Variants in NOL4 observed in about 807,000 individuals in gnomAD.
The protein encoded by NOL4 is nucleolar protein 4.
A neutral mutation model predicts 75.9 loss-of-function variants in NOL4; 17 were observed. The observed-to-expected ratio is 0.22, with a 90% CI of 0.15 to 0.34. NOL4 has a LOEUF of 0.34. NOL4 is among the 10% of genes least tolerant of loss of function. NOL4 has a pLI of 1.00. For synonymous variants in NOL4, 292 were observed against 289.9 expected, an observed-to-expected ratio of 1.01 and a Z score of -0.07; for missense variants, 614 against 793.5, an observed-to-expected ratio of 0.77 and a Z score of 2.72.
chr18:34,119,588 G>A (rs1401437379), intron 2 of NOL4, among the ~76,000 whole-genome samples: 1 of 151,996 alleles, frequency 6.6e-6, no homozygotes, highest in Non-Finnish European at 1.5e-5. Flanking sequence ...TGAGATGGGT[G>A]ATCTAGCCCA....
intron 10 of NOL4, among the ~76,000 whole-genome samples, chr18:33,862,624 A>T (rs1244298260): frequency 4.6e-5 from 7 of 152,234 alleles, no homozygotes; most frequent in Non-Finnish European, 4.4e-5. Flanking sequence ...ACGAACAGAA[A>T]CTTCTCAAAA....
At chr18:34,027,344 G>A (rs2075398424) in intron 5 of NOL4, among the ~76,000 whole-genome samples, 1 of 152,108 alleles carries the variant, frequency 6.6e-6, no homozygotes, top group South Asian at 2.1e-4. Context: ...AAATATCCTG[G>A]GAATTATCAA....
intron 7 of NOL4, 125 bp downstream of exon 7, chr18:33,958,114 T>TACTTTTTA: frequency 1.1e-6 from 1 of 937,870 alleles, no homozygotes; most frequent in Non-Finnish European, 1.6e-6. Flanking sequence ...GTGTTTCATG[T>TACTTTTTA]ACTTTTTAAA....
chr18:33,994,948 G>A (rs1003352144), intron 6 of NOL4, among the ~76,000 whole-genome samples: 3 of 151,418 alleles, frequency 2.0e-5, no homozygotes, highest in African/African-American at 7.3e-5. Context: ...AAGTGAAACA[G>A]GGAACTAACA....
chr18:33,906,581 C>G (rs1015809397), intron 9 of NOL4, among the ~76,000 whole-genome samples: 1 of 152,188 alleles, frequency 6.6e-6, no homozygotes, highest in Non-Finnish European at 1.5e-5. Flanking sequence ...GGAAGTTTCT[C>G]ATAATTAATG....
intron 10 of NOL4, among the ~76,000 whole-genome samples, chr18:33,876,680 T>A (rs2063948496): frequency 6.6e-6 from 1 of 152,100 alleles, no homozygotes. Context: ...AATGCCATTT[T>A]AAAAAGTCAG....
rs529552944 is a variant in NOL4, at chr18:33,863,986, G to A, written c.1724-10951C>T. ...CACCATGTGGAAGCCACAAAGGCTTGGGGACTGCATCCCCTGAAGCAATGG... is the reference window on the plus strand; with the variant it reads ...CACCATGTGGAAGCCACAAAGGCTTAGGGACTGCATCCCCTGAAGCAATGG... On this transcript the variant is annotated intron_variant, in intron 10 of 10. Coordinates refer to ENST00000261592, the MANE Select transcript of NOL4 (RefSeq NM_003787.5). Among the ~76,000 whole-genome samples, 4 of 152,298 alleles carry A rather than the reference G, an allele frequency of 2.6e-5. No homozygotes were observed. The South Asian group carries it at 8.3e-4, about 32-fold the overall frequency.
At chr18:33,931,383 C>G (rs763332572) in intron 9 of NOL4, among the ~76,000 whole-genome samples, 3 of 152,118 alleles carry the variant, frequency 2.0e-5, no homozygotes, top group Non-Finnish European at 2.9e-5. Context: ...CAAGCCCCGA[C>G]ATTTTCCAGG....
intron 9 of NOL4, among the ~76,000 whole-genome samples, chr18:33,903,816 C>T (rs774177391): frequency 3.3e-5 from 5 of 152,078 alleles, no homozygotes; most frequent in Non-Finnish European, 7.4e-5. Context: ...AATTTAAAAA[C>T]AATTCAATCC....
At chr18:34,034,746 C>T (rs1273231018) in intron 5 of NOL4, among the ~76,000 whole-genome samples, 1 of 149,696 alleles carries the variant, frequency 6.7e-6, no homozygotes, top group Non-Finnish European at 1.5e-5. Flanking sequence ...CCCCACCCCA[C>T]CCCCCAAAAA....
intron 5 of NOL4, among the ~76,000 whole-genome samples, chr18:34,041,196 G>C (rs913869201): frequency 2.6e-5 from 4 of 151,856 alleles, no homozygotes; most frequent in African/African-American, 9.7e-5. Context: ...TAAATTTGAA[G>C]ACAGGATGAG....
chr18:34,020,748 C>T (rs148151668), intron 5 of NOL4, among the ~76,000 whole-genome samples: 87 of 150,890 alleles, frequency 5.8e-4, no homozygotes, highest in African/African-American at 2.0e-3. Flanking sequence ...TGGTATGATC[C>T]CAATTTTGTT....
intron 1 of NOL4, among the ~76,000 whole-genome samples, chr18:34,165,869 A>C (rs2032269980): frequency 6.6e-6 from 1 of 152,018 alleles, no homozygotes; most frequent in Non-Finnish European, 1.5e-5. Context: ...AAAATTGGTA[A>C]ATAGGCTTTT....
intron 1 of NOL4, among the ~76,000 whole-genome samples, chr18:34,203,462 G>A (rs1190534171): frequency 6.7e-6 from 1 of 149,376 alleles, no homozygotes; most frequent in Non-Finnish European, 1.5e-5. Context: ...AGTAAAGCTG[G>A]GAAAATGTCA....
chr18:34,174,354 A>AC (rs2033337460), intron 1 of NOL4, among the ~76,000 whole-genome samples: 1 of 152,152 alleles, frequency 6.6e-6, no homozygotes, highest in Admixed American at 6.6e-5. Flanking sequence ...ACTTTTCAAA[A>AC]ACTCTTAATT....
intron 1 of NOL4, among the ~76,000 whole-genome samples, chr18:34,207,021 A>G (rs1018720488): frequency 6.6e-6 from 1 of 151,966 alleles, no homozygotes; most frequent in Non-Finnish European, 1.5e-5. Flanking sequence ...GTGAATTTTT[A>G]TCATGTATTT....
chr18:33,915,624 C>T (rs567907349), intron 9 of NOL4, among the ~76,000 whole-genome samples: 68 of 151,726 alleles, frequency 4.5e-4, no homozygotes, highest in Non-Finnish European at 4.4e-4. Context: ...GTGGAGAAGG[C>T]GAGATATATG....
intron 1 of NOL4, among the ~76,000 whole-genome samples, chr18:34,184,929 A>G (rs2034338998): frequency 6.6e-6 from 1 of 152,142 alleles, no homozygotes; most frequent in Admixed American, 6.6e-5. Flanking sequence ...CAGAAGTTGG[A>G]ATTCAGAAGC....
chr18:34,052,192 G>A (rs532249602), intron 5 of NOL4, among the ~76,000 whole-genome samples: 2 of 152,118 alleles, frequency 1.3e-5, no homozygotes, highest in South Asian at 4.1e-4. Context: ...ATAGAAATTT[G>A]TCTAATAACT....
Sources: allele counts gnomAD v4.1 joint callset (sites outside exome capture counted in the v4.1 genomes callset), GRCh38; gene constraint gnomAD v4.1.1; transcripts MANE v1.5; gene names NCBI Gene and HGNC (gene_info 2026-07-23, HGNC 2026-07-21).